INPP4B: variants seen among roughly 807,000 people sequenced by gnomAD.
INPP4B encodes the protein inositol polyphosphate 4-phosphatase type II.
Under a neutral mutation model 122.5 loss-of-function variants are expected in INPP4B, and 55 were observed. The observed-to-expected ratio is 0.45, with a 90% CI of 0.36 to 0.56. The LOEUF (loss-of-function observed/expected upper bound fraction) is 0.56, where lower values mean the gene tolerates loss of function less well. Among genes scored for constraint, INPP4B ranks in the 20% least tolerant of loss-of-function variants. INPP4B has a pLI of 0.00. For synonymous variants in INPP4B, 403 were observed against 388.7 expected (o/e 1.04, Z -0.43); for missense variants, 1,000 against 1,097.7 (o/e 0.91, Z 1.26).
At chr4:142,654,383 A>AC (rs1553983890) in intron 2 of INPP4B, 102 of 151,038 alleles carry the variant, frequency 6.8e-4, no homozygotes, top group African/African-American at 2.4e-3. Flanking sequence ...AAAAAAAAAA[A>AC]AAAAAACATA....
At chr4:142,138,100 G>A (rs1479444587) in intron 18 of INPP4B, among the ~76,000 whole-genome samples, 7 of 151,016 alleles carry the variant, frequency 4.6e-5, no homozygotes, top group Non-Finnish European at 5.9e-5. Flanking sequence ...TGTTTATTGC[G>A]GCACTATTCA....
At chr4:142,251,663 T>C (rs1732132520) in intron 11 of INPP4B, among the ~76,000 whole-genome samples, 1 of 152,212 alleles carries the variant, frequency 6.6e-6, no homozygotes, top group African/African-American at 2.4e-5. Flanking sequence ...CTTGGGTTAA[T>C]TCTTCATTCT....
intron 2 of INPP4B, among the ~76,000 whole-genome samples, chr4:142,467,231 C>A (rs1160575712): frequency 1.3e-5 from 2 of 152,158 alleles, no homozygotes; most frequent in Non-Finnish European, 1.5e-5. Flanking sequence ...GCAGCTTAAG[C>A]GTGAAAAAGC....
At chr4:142,549,534 C>A (rs1258254300) in intron 2 of INPP4B, among the ~76,000 whole-genome samples, 1 of 152,092 alleles carries the variant, frequency 6.6e-6, no homozygotes, top group Non-Finnish European at 1.5e-5. Context: ...AAGGAGCAAG[C>A]CATGGGAAGT....
At chr4:142,083,389 G>T (rs564669768) in intron 24 of INPP4B, among the ~76,000 whole-genome samples, 2 of 152,076 alleles carry the variant, frequency 1.3e-5, no homozygotes, top group East Asian at 1.9e-4. Context: ...ATACTCTCTT[G>T]TCTCATTGCC....
At chr4:142,534,873 C>A (rs1214282306) in intron 2 of INPP4B, among the ~76,000 whole-genome samples, 2 of 151,806 alleles carry the variant, frequency 1.3e-5, no homozygotes, top group Non-Finnish European at 2.9e-5. Context: ...CTATAATTAT[C>A]TAAGAGTAAG....
intron 2 of INPP4B, among the ~76,000 whole-genome samples, chr4:142,700,229 G>A (rs972567176): frequency 6.6e-6 from 1 of 152,074 alleles, no homozygotes; most frequent in African/African-American, 2.4e-5. Context: ...AAAACCTAGT[G>A]TCACAATAAA....
At chr4:142,410,238 AG>A (rs891840647) in intron 5 of INPP4B, among the ~76,000 whole-genome samples, 3 of 152,202 alleles carry the variant, frequency 2.0e-5, no homozygotes, top group African/African-American at 7.2e-5. Flanking sequence ...ACATTAGACA[AG>A]GGGGGTGTCA....
intron 1 of INPP4B, among the ~76,000 whole-genome samples, chr4:142,800,189 A>G (rs1317964506): frequency 1.3e-5 from 2 of 152,142 alleles, no homozygotes; most frequent in African/African-American, 4.8e-5. Context: ...AGAAAACATG[A>G]TGCCTTTTAG....
At chr4:142,730,908 T>G (rs2150879047) in intron 1 of INPP4B, among the ~76,000 whole-genome samples, 1 of 152,356 alleles carries the variant, frequency 6.6e-6, no homozygotes, top group African/African-American at 2.4e-5. Context: ...TTCCATGTCC[T>G]ATGACAGAAA....
At chr4:142,306,678 G>A (rs1763495890) in intron 8 of INPP4B, among the ~76,000 whole-genome samples, 1 of 152,142 alleles carries the variant, frequency 6.6e-6, no homozygotes, top group South Asian at 2.1e-4. Flanking sequence ...ACTTAGATGA[G>A]CTGGTCCTAA....
intron 12 of INPP4B, among the ~76,000 whole-genome samples, chr4:142,217,967 C>T (rs1847996934): frequency 1.3e-5 from 2 of 152,132 alleles, no homozygotes; most frequent in South Asian, 4.1e-4. Flanking sequence ...CTCCAGCTAG[C>T]CTACTCACCC....
At chr4:142,292,849 A>G (rs1325185673) in intron 9 of INPP4B, among the ~76,000 whole-genome samples, 2 of 152,132 alleles carry the variant, frequency 1.3e-5, no homozygotes, top group African/African-American at 4.8e-5. Flanking sequence ...TTTTTCTTGT[A>G]TAATGTTTTT....
At chr4:142,686,846 A>G (rs1239302326) in intron 2 of INPP4B, among the ~76,000 whole-genome samples, 1 of 152,104 alleles carries the variant, frequency 6.6e-6, no homozygotes, top group Non-Finnish European at 1.5e-5. Context: ...CCTCCACTCT[A>G]GAGATTAGAA....
chr4:142,408,246 A>C (rs1044665005), intron 5 of INPP4B, among the ~76,000 whole-genome samples: 2 of 141,382 alleles, frequency 1.4e-5, no homozygotes, highest in Non-Finnish European at 3.2e-5. Context: ...AATCCTGAAA[A>C]ATCTGTTTTC....
At chr4:142,486,844 A>G (rs185243917) in intron 2 of INPP4B, among the ~76,000 whole-genome samples, 11 of 152,274 alleles carry the variant, frequency 7.2e-5, no homozygotes, top group African/African-American at 2.2e-4. Context: ...TATTGCTAAG[A>G]ATTTCCTCAG....
intron 2 of INPP4B, among the ~76,000 whole-genome samples, chr4:142,649,787 G>A (rs934818665): frequency 2.6e-5 from 4 of 152,210 alleles, no homozygotes; most frequent in South Asian, 2.1e-4. Context: ...GTTGAAAAAC[G>A]CTCTTCAGGA....
At chr4:142,576,906 T>A (rs564501137) in intron 2 of INPP4B, among the ~76,000 whole-genome samples, 4 of 152,162 alleles carry the variant, frequency 2.6e-5, no homozygotes, top group African/African-American at 9.6e-5. Flanking sequence ...ATAAAGAAAC[T>A]AGTAACTTGC....
chr4:142,293,040 C>CTTTTTTTTTTTTTTTTTTTTTTT lies in INPP4B; in HGVS notation c.503+12417_503+12418insAAAAAAAAAAAAAAAAAAAAAAA, dbSNP rs367850143. ...AAGGTAATTACCTAATTTTTATACC[C>CTTTTTTTTTTTTTTTTTTTTTTT]TTTTTTTTTTTTTTTAAGACAGAGT... On this transcript the variant is annotated intron_variant, in intron 9 of 25. Coordinates refer to ENST00000262992, the MANE Select transcript of INPP4B (RefSeq NM_001101669.3). 1.4e-5 allele frequency among the ~76,000 whole-genome samples: 2 copies of CTTTTTTTTTTTTTTTTTTTTTTT among 145,928 alleles called. 1 individual carries two copies.
Sources: allele counts gnomAD v4.1 joint callset (sites outside exome capture counted in the v4.1 genomes callset), GRCh38; gene constraint gnomAD v4.1.1; transcripts MANE v1.5; gene names NCBI Gene and HGNC (gene_info 2026-07-23, HGNC 2026-07-21).